The following BCAS3 variants were observed in gnomAD, a reference collection of about 807,000 sequenced individuals.
The protein encoded by BCAS3 is BCAS4/BCAS3 fusion.
A neutral mutation model predicts 116.1 loss-of-function variants in BCAS3; 53 were observed. The ratio of observed to expected loss-of-function variants is 0.46; its 90% CI spans 0.37 to 0.57. The LOEUF is 0.57. Among genes scored for constraint, BCAS3 ranks in the 20% least tolerant of loss-of-function variants. The pLI, the probability that BCAS3 is intolerant of heterozygous loss-of-function variation, is 0.00. For synonymous variants in BCAS3, 391 were observed against 408.2 expected, an observed-to-expected ratio of 0.96 and a Z score of 0.51; for missense variants, 917 against 1,165.4, an observed-to-expected ratio of 0.79 and a Z score of 3.10.
intron 8 of BCAS3, among the ~76,000 whole-genome samples, chr17:60,870,039 T>A (rs1027671519): frequency 6.6e-6 from 1 of 152,236 alleles, no homozygotes; most frequent in Non-Finnish European, 1.5e-5. Context: ...TGAAAATTAA[T>A]CGCAAAATAT....
chr17:60,978,427 G>A lies in BCAS3; in HGVS notation c.1222-11544G>A, dbSNP rs1184788177. On this transcript the variant is annotated intron_variant, in intron 14 of 23. Transcript: ENST00000407086. ...GCCCTTTGTGAGATGAGTAGGTTGC[G>A]AAAATTTTCTCCCATTTTGTAGGTT... 3.3e-5 allele frequency among the ~76,000 whole-genome samples: 5 copies of A among 150,754 alleles called. No individual in the cohort carries two copies. In the South Asian group the frequency reaches 6.2e-4, roughly 19 times the overall value.
chr17:60,843,660 A>G (rs961480683), intron 7 of BCAS3, among the ~76,000 whole-genome samples: 2 of 152,166 alleles, frequency 1.3e-5, no homozygotes, highest in Non-Finnish European at 2.9e-5. Context: ...CTTTTTACAT[A>G]CAGGCTTATA....
chr17:61,304,178 C>A (rs1306967760), intron 22 of BCAS3, among the ~76,000 whole-genome samples: 1 of 152,222 alleles, frequency 6.6e-6, no homozygotes, highest in East Asian at 1.9e-4. Flanking sequence ...AGTTCATTGC[C>A]TCACTGTTGT....
chr17:60,961,621 A>G lies in BCAS3; in HGVS notation c.1221+14269A>G, dbSNP rs1320963525. ...TCCTTTTTTATACTTAAAAAAATAT[A>G]CATATAAAATTTACTATCTTTACCA... On this transcript the variant is annotated intron_variant, in intron 14 of 23. Transcript: ENST00000407086. The surrounding 1 kb of genome is among the most constrained non-coding windows in gnomAD (Gnocchi z 4.8). Among the ~76,000 whole-genome samples the G allele has an allele frequency of 2.0e-5, 3 of 152,320 alleles. No individual in the cohort carries two copies. Among genetic ancestry groups the G allele is most frequent in the East Asian group, 3.9e-4 (2 of 5,192 alleles).
intron 13 of BCAS3, among the ~76,000 whole-genome samples, chr17:60,925,600 C>G (rs749645975): frequency 6.6e-6 from 1 of 152,068 alleles, no homozygotes; most frequent in Admixed American, 6.6e-5. Context: ...TAATTCTGTC[C>G]TGGTCTCTGC....
intron 22 of BCAS3, among the ~76,000 whole-genome samples, chr17:61,111,580 A>C (rs1376476039): frequency 6.6e-6 from 1 of 150,574 alleles, no homozygotes; most frequent in African/African-American, 2.4e-5. Context: ...GAAATATGGG[A>C]CTATGTGAAA....
intron 14 of BCAS3, among the ~76,000 whole-genome samples, chr17:60,955,299 A>C (rs1252744336): frequency 6.6e-6 from 1 of 152,080 alleles, no homozygotes; most frequent in Non-Finnish European, 1.5e-5. Flanking sequence ...CAAATCAATA[A>C]ATTTTCACCA....
Position 61,388,901 on chromosome 17 carries a change from C to A in BCAS3, c.2594-3076C>A. ...ACAAAGCTGCCCCGGGGCCAGCAGG[C>A]CCCCGATTCTTTCAGTTAGTCTGTG... On this transcript the variant is annotated intron_variant, in intron 23 of 23. Transcript: ENST00000407086. This position sits in a 1 kb window ranked among gnomAD's most constrained non-coding sequence, Gnocchi z 6.5. 1 of 576,810 alleles carries A rather than the reference C, an allele frequency of 1.7e-6. No individual in the cohort carries two copies. Among genetic ancestry groups the A allele is most frequent in the Non-Finnish European group, 3.1e-6 (1 of 327,698 alleles). The allele number at this position is 576,810 out of a possible 1,614,324, so 35.7% of individuals were successfully genotyped here.
At chr17:61,216,640 T>C (rs990813605) in intron 22 of BCAS3, among the ~76,000 whole-genome samples, 6 of 151,394 alleles carry the variant, frequency 4.0e-5, no homozygotes, top group Non-Finnish European at 7.4e-5. Context: ...ATCTCCCGGG[T>C]TCAAGCGATT....
In BCAS3 at chr17:61,084,831, A is replaced by T. The variant is rs989483403; in HGVS notation, c.2425+267A>T. Among the ~76,000 whole-genome samples the T allele has an allele frequency of 6.6e-6, 1 of 152,200 alleles. No homozygotes were observed. Among genetic ancestry groups the T allele is most frequent in the African/African-American group, 2.4e-5 (1 of 41,456 alleles). The stretch of plus-strand genomic sequence containing the variant: ...AGTATTGAAGGCTACAGGGTTGATG[A>T]CTGTTTTGCCTTTGATCACTGAAAT... On this transcript the variant is annotated intron_variant, in intron 22 of 23. Coordinates refer to ENST00000407086, the MANE Select transcript of BCAS3 (RefSeq NM_017679.5). The surrounding 1 kb of genome is among the most constrained non-coding windows in gnomAD (Gnocchi z 5.5).
Position 61,368,152 on chromosome 17 carries a change from C to A in BCAS3, c.2426-175C>A, listed in dbSNP as rs966443195. 3.2e-5 allele frequency: 19 copies of A among 585,036 alleles called. No individual in the cohort carries two copies. The highest frequency in any genetic ancestry group is 2.6e-4 in the African/African-American group (14 of 54,622). 36.2% of individuals were successfully genotyped at this position (585,036 alleles called of 1,614,324 possible). On this transcript the variant is annotated intron_variant, in intron 22 of 23. Transcript: ENST00000407086. This position sits in a 1 kb window ranked among gnomAD's most constrained non-coding sequence, Gnocchi z 6.0. ...AAGTCACTCCAGAGGTCTGCACTCT[C>A]TCAGCGGCATGAGCTATTTCTCCTG...
intron 14 of BCAS3, among the ~76,000 whole-genome samples, chr17:60,982,909 T>G (rs1291475064): frequency 6.6e-6 from 1 of 152,290 alleles, no homozygotes; most frequent in East Asian, 1.9e-4. Context: ...CCACAAACAT[T>G]TTCTGTGTCA....
rs186913281 is a variant in BCAS3 at position 60,772,219 on chromosome 17, T to C, written c.403+24940T>C. Among the ~76,000 whole-genome samples the C allele has an allele frequency of 7.2e-5, 11 of 152,262 alleles. 1 individual carries two copies. Among genetic ancestry groups the C allele is most frequent in the Admixed American group, 5.9e-4 (9 of 15,300 alleles). On this transcript the variant is annotated intron_variant, in intron 6 of 23. Coordinates refer to ENST00000407086, the MANE Select transcript of BCAS3 (RefSeq NM_017679.5). ...TCTCCACATCCTCTCCAGCACCTGTTGTTTCCTGACTTTTTAATGATCGCC... is the reference window on the plus strand; with the variant it reads ...TCTCCACATCCTCTCCAGCACCTGTCGTTTCCTGACTTTTTAATGATCGCC...
chr17:60,842,376 A>G (rs571426356), intron 7 of BCAS3, among the ~76,000 whole-genome samples: 38 of 152,278 alleles, frequency 2.5e-4, no homozygotes, highest in South Asian at 6.2e-4. Context: ...TAAAAATCTA[A>G]GGTTACTACT....
intron 6 of BCAS3, among the ~76,000 whole-genome samples, chr17:60,777,106 C>T (rs371480479): frequency 1.1e-4 from 17 of 151,668 alleles, no homozygotes; most frequent in East Asian, 3.9e-4. Flanking sequence ...ATTTCACTGA[C>T]GAAATGGCTA....
intron 3 of BCAS3, chr17:60,688,224 T>A (rs2034341565): frequency 6.6e-6 from 1 of 152,196 alleles, no homozygotes; most frequent in African/African-American, 2.4e-5. Context: ...TGTCTGGGGT[T>A]TAATAGTAAT....
rs181870594 is a variant in BCAS3 at position 61,235,138 on chromosome 17, C to G, written c.2426-133189C>G. On this transcript the variant is annotated intron_variant, in intron 22 of 23. Coordinates refer to ENST00000407086, the MANE Select transcript of BCAS3 (RefSeq NM_017679.5). This position sits in a 1 kb window ranked among gnomAD's most constrained non-coding sequence, Gnocchi z 5.0. ...CTGACCTAAGATGATCCGCCCACTT[C>G]GGTCTTCCAAAGTGCTGGGATTATA... Among the ~76,000 whole-genome samples, 1 of 152,188 alleles carries G rather than the reference C, an allele frequency of 6.6e-6. No homozygotes were observed. Among genetic ancestry groups the G allele is most frequent in the Admixed American group, 6.5e-5 (1 of 15,276 alleles).
intron 22 of BCAS3, among the ~76,000 whole-genome samples, chr17:61,267,189 C>G (rs925509455): frequency 6.6e-6 from 1 of 151,728 alleles, no homozygotes; most frequent in African/African-American, 2.4e-5. Flanking sequence ...TCCCAAGTAG[C>G]TGGGACTACA....
At chr17:61,375,622 T>G (rs2059300877) in intron 23 of BCAS3, among the ~76,000 whole-genome samples, 1 of 149,460 alleles carries the variant, frequency 6.7e-6, no homozygotes, top group Non-Finnish European at 1.5e-5. Context: ...CAGACTAGAG[T>G]GCAATGGCAC....
Sources: gnomAD v4.1 joint callset for allele counts (sites outside exome capture counted in the v4.1 genomes callset) on GRCh38, gnomAD v4.1.1 for gene constraint, Gnocchi (gnomAD v3.1) non-coding constraint, MANE v1.5 for transcripts, NCBI Gene and HGNC (gene_info 2026-07-23, HGNC 2026-07-21) for gene names.